The following PLEC variants were observed in gnomAD, a reference collection of about 807,000 sequenced individuals.
The protein encoded by PLEC is hemidesmosomal protein 1.
PLEC carries 216 observed loss-of-function variants against 392.8 expected under a neutral mutation model. That is an observed-to-expected ratio of 0.55 (90% confidence interval 0.49 to 0.62). The LOEUF is 0.62. PLEC is among the 20% of genes least tolerant of loss of function. The pLI, the probability that PLEC is intolerant of heterozygous loss-of-function variation, is 0.00. For missense variants in PLEC, 6,863 were observed against 6,563.4 expected (o/e 1.05, Z -1.58); for synonymous variants, 3,621 against 2,980.6 (o/e 1.21, Z -7.00).
At position 143,921,619 on chromosome 8, in the gene PLEC, C is replaced by G. The variant is rs782252692; in HGVS notation, c.8202G>C (p.Ala2734=). 3 of 1,612,764 alleles carry G rather than the reference C, an allele frequency of 1.9e-6. No homozygotes were observed. The highest frequency in any genetic ancestry group is 2.5e-6 in the Non-Finnish European group (3 of 1,179,808). ...CAGGGTCCAGCAGGAAGCCTGAGGCCGCCTGCGCCTCCAGCAGGATGAGGG... is the reference window on the plus strand; with the variant it reads ...CAGGGTCCAGCAGGAAGCCTGAGGCGGCCTGCGCCTCCAGCAGGATGAGGG... ...GTALILLEAQ[A]ASGFLLDPVR... Residue 2734 remains alanine, a synonymous_variant, in exon 32 of 32, where the codon GCG becomes GCC. Transcript: ENST00000345136.
chr8:143,917,561 G>A lies in PLEC; in HGVS notation c.12260C>T (p.Thr4087Ile). 6.2e-7 allele frequency: 1 copy of A among 1,613,956 alleles called. No homozygotes were observed. The highest frequency in any genetic ancestry group is 8.5e-7 in the Non-Finnish European group (1 of 1,180,026). Reference sequence around the variant, plus strand: ...CGTGTTAGGGTCAAAGAAGCCCTTGGTGTCGTCCGAGGGGTCGGTCAGGAT... The same window carrying A: ...CGTGTTAGGGTCAAAGAAGCCCTTGATGTCGTCCGAGGGGTCGGTCAGGAT... The part of the protein sequence containing the change: ...NEILTDPSDD[T>I]KGFFDPNTEE... Residue 4087 changes from threonine (T) to isoleucine (I), a missense_variant, in exon 32 of 32, where the codon ACC (threonine) becomes ATC (isoleucine). Coordinates refer to ENST00000345136, the MANE Select transcript of PLEC (RefSeq NM_201384.3).
chr8:143,952,566 C>T (rs1832298990), upstream of PLEC, among the ~76,000 whole-genome samples: 1 of 152,044 alleles, frequency 6.6e-6, no homozygotes, highest in East Asian at 1.9e-4. Flanking sequence ...CACCCCCCCA[C>T]ACTGACCTCC....
upstream of PLEC, chr8:143,942,659 G>A (rs1331062701): frequency 1.7e-5 from 18 of 1,084,612 alleles, no homozygotes; most frequent in Non-Finnish European, 2.1e-5. Context: ...TCCGCCCACT[G>A]CGGGAGCGAG....
Position 143,917,293 on chromosome 8 carries a change from G to A in PLEC, c.12528C>T (p.Cys4176=), listed in dbSNP as rs782543480. The A allele has an allele frequency of 3.2e-5, 52 of 1,608,952 alleles. 2 individuals carry two copies. In the South Asian group the frequency reaches 3.7e-4, roughly 12 times the overall value. Residue 4176 remains cysteine (C), a synonymous_variant, in exon 32 of 32, where the codon TGC becomes TGT. Coordinates refer to ENST00000345136, the MANE Select transcript of PLEC (RefSeq NM_201384.3). ...QTYLELSEQE[C]EWEEITISSS... is the part of the protein sequence containing the mutation. The stretch of plus-strand genomic sequence containing the variant: ...AGGAGATGGTGATCTCCTCCCACTC[G>A]CACTCCTGCTCGGACAGCTCCAGGT...
Position 143,916,317 on chromosome 8 carries a change from G to A in PLEC, c.13504C>T (p.Arg4502Cys), listed in dbSNP as rs781871638. The change falls in exon 32 of 32, where the codon CGC becomes TGC. Residue 4502 changes from arginine (R) to cysteine (C), a missense_variant. Coordinates refer to ENST00000345136, the MANE Select transcript of PLEC (RefSeq NM_201384.3). Reference protein sequence around the residue: ...GSRTGSRAGSRRGSFDATGSG... With the variant: ...GSRTGSRAGSCRGSFDATGSG... ...CCGGTGGCGTCAAAGCTGCCGCGGC[G>A]GGAGCCGGCCCGGGAGCCGGTGCGC... The A allele has an allele frequency of 1.1e-5, 18 of 1,590,168 alleles. No homozygotes were observed. The highest frequency in any genetic ancestry group is 1.4e-5 in the Non-Finnish European group (16 of 1,170,478).
chr8:143,953,929 C>T, upstream of PLEC: 1 of 1,408,236 alleles, frequency 7.1e-7, no homozygotes, highest in South Asian at 1.6e-5. Context: ...ATGCGCCGGA[C>T]AGGGCCGCCC....
At chr8:143,939,099 G>A (rs1258737627) in intron 1 of PLEC, among the ~76,000 whole-genome samples, 1 of 152,162 alleles carries the variant, frequency 6.6e-6, no homozygotes, top group Admixed American at 6.5e-5. Flanking sequence ...CTGCTGACAG[G>A]GCAGCGAACC....
At chr8:143,950,152 C>A in intron 1 of PLEC, 2 of 1,472,464 alleles carry the variant, frequency 1.4e-6, no homozygotes, top group Non-Finnish European at 9.0e-7. Flanking sequence ...TACTTGCCAC[C>A]CATCATGACT....
At chr8:143,942,282 G>A (rs1830627678), upstream of PLEC, 5 of 1,354,514 alleles carry the variant, frequency 3.7e-6, no homozygotes, top group Non-Finnish European at 5.1e-6. Flanking sequence ...ACCGGGCCAA[G>A]GCGCCACCCC....
Position 143,932,036 on chromosome 8 carries a change from C to A in PLEC, c.2083-4G>T, listed in dbSNP as rs555646129. 8 of 1,592,078 alleles carry A rather than the reference C, an allele frequency of 5.0e-6. No homozygotes were observed. Among genetic ancestry groups the A allele is most frequent in the Non-Finnish European group, 6.8e-6 (8 of 1,169,756 alleles). ...TCTGCAGGGCCGCCTGGAAGGACTGCGGGACAGCAGGTCCCGGTCAGGCCC... is the reference window on the plus strand; with the variant it reads ...TCTGCAGGGCCGCCTGGAAGGACTGAGGGACAGCAGGTCCCGGTCAGGCCC... On this transcript the variant is annotated splice_polypyrimidine_tract_variant and splice_region_variant and intron_variant, in intron 17 of 31. Transcript: ENST00000345136.
rs548123598 is a variant in PLEC at position 143,932,941 on chromosome 8, G to A, written c.1589C>T (p.Ala530Val). 2 of 1,612,690 alleles carry A rather than the reference G, an allele frequency of 1.2e-6. No individual in the cohort carries two copies. The highest frequency in any genetic ancestry group is 2.7e-5 in the African/African-American group (2 of 75,054). ...ACGGTGCTGGTTCTCCTCCACCCAG[G>A]CCAGCAGGTCCTGCAGGTAGCGCAG... is the stretch of plus-strand genomic sequence containing the variant. ...STLRYLQDLL[A>V]WVEENQHRVD... Residue 530 changes from alanine to valine, a missense_variant, in exon 14 of 32, where the codon GCC becomes GTC. Transcript: ENST00000345136.
chr8:143,922,647 C>T lies in PLEC; in HGVS notation c.7282G>A (p.Val2428Met). The T allele has an allele frequency of 6.2e-7, 1 of 1,613,604 alleles. No homozygotes were observed. The highest frequency in any genetic ancestry group is 8.5e-7 in the Non-Finnish European group (1 of 1,179,990). ...ATCTCCAGTGTCTGCACCAGGGTCA[C>T]CTTCTCCTGGGTGGCGAGCTCCGTG... ...HRTELATQEKVTLVQTLEIQR... is the reference protein window; with the variant it reads ...HRTELATQEKMTLVQTLEIQR... Residue 2428 changes from valine to methionine, a missense_variant, in exon 31 of 32, where the codon GTG (valine) becomes ATG (methionine). Transcript: ENST00000345136.
In PLEC at chr8:143,921,607, G is replaced by T; in HGVS notation, c.8214C>A (p.Phe2738Leu). The T allele has an allele frequency of 6.2e-7, 1 of 1,612,924 alleles. No individual in the cohort carries two copies. Among genetic ancestry groups the T allele is most frequent in the Non-Finnish European group, 8.5e-7 (1 of 1,179,858 alleles). Reference sequence around the variant, plus strand: ...GCCGGTTCCGCACAGGGTCCAGCAGGAAGCCTGAGGCCGCCTGCGCCTCCA... The same window carrying T: ...GCCGGTTCCGCACAGGGTCCAGCAGTAAGCCTGAGGCCGCCTGCGCCTCCA... Reference protein sequence around the residue: ...ILLEAQAASGFLLDPVRNRRL... With the variant: ...ILLEAQAASGLLLDPVRNRRL... The change falls in exon 32 of 32, where the codon TTC becomes TTA. Residue 2738 changes from phenylalanine to leucine, a missense_variant. Transcript: ENST00000345136.
rs782728553 is a variant in PLEC, at chr8:143,929,293, G to A, written c.3082-12C>T. ...TCTGCCTGTGCCTTCTGCAAAGACA[G>A]GGAGTGGGAACGCACTCATCACCGA... On this transcript the variant is annotated splice_polypyrimidine_tract_variant and intron_variant, in intron 24 of 31. Transcript: ENST00000345136. The A allele has an allele frequency of 1.3e-6, 2 of 1,598,446 alleles. No homozygotes were observed. The highest frequency in any genetic ancestry group is 1.7e-5 in the Admixed American group (1 of 59,864).
rs1254555160 is a variant in PLEC at position 143,923,880 on chromosome 8, T to C, written c.6049A>G (p.Lys2017Glu). ...CGCAGGCGCCGCGCCTCCTCCACCT[T>C]GGCTTTCAGCCGCTCGACTTCCTCC... is the stretch of plus-strand genomic sequence containing the variant. ...ALEEVERLKAKVEEARRLRER... is the reference protein window; with the variant it reads ...ALEEVERLKAEVEEARRLRER... The change falls in exon 31 of 32, where the codon AAG becomes GAG. Residue 2017 changes from lysine to glutamate, a missense_variant. Physicochemically the swap from Lys to Glu is moderately conservative, Grantham distance 56. Transcript: ENST00000345136. The C allele has an allele frequency of 3.1e-6, 5 of 1,594,262 alleles. No homozygotes were observed. The highest frequency in any genetic ancestry group is 1.3e-5 in the African/African-American group (1 of 74,704).
rs781855337 is a variant in PLEC, at chr8:143,921,682, G to A, written c.8139C>T (p.Tyr2713=). The change falls in exon 32 of 32, where the codon TAC becomes TAT. Residue 2713 remains tyrosine, a synonymous_variant. Coordinates refer to ENST00000345136, the MANE Select transcript of PLEC (RefSeq NM_201384.3). The stretch of plus-strand genomic sequence containing the variant: ...TCAGCAGCTGCCTCTGCAGGGCGGC[G>A]TAAACACTCAGCTTCTCATTGGTGG... The part of the protein sequence containing the change: ...LKATNEKLSV[Y]AALQRQLLSP... The A allele has an allele frequency of 1.5e-5, 25 of 1,613,054 alleles. No individual in the cohort carries two copies. The highest frequency in any genetic ancestry group is 1.6e-4 in the Middle Eastern group (1 of 6,084).
At chr8:143,959,633 C>T (rs782366287) in intron 1 of PLEC, among the ~76,000 whole-genome samples, 2 of 152,262 alleles carry the variant, frequency 1.3e-5, no homozygotes, top group Non-Finnish European at 2.9e-5. Flanking sequence ...TGGGAGGAGT[C>T]GGCCCACTTG....
rs1260621298 is a variant in PLEC, at chr8:143,917,140, G to C, written c.12681C>G (p.Leu4227=). The change falls in exon 32 of 32, where the codon CTC becomes CTG. Residue 4227 remains leucine (L), a synonymous_variant. Coordinates refer to ENST00000345136, the MANE Select transcript of PLEC (RefSeq NM_201384.3). ...SALDQYRAGT[L]SITEFADMLS... ...GCATGTCGGCGAACTCGGTGATGGA[G>C]AGCGTGCCGGCGCGGTACTGGTCCA... The C allele has an allele frequency of 4.4e-6, 7 of 1,604,834 alleles. No homozygotes were observed. In the Admixed American group the frequency reaches 1.0e-4, roughly 23 times the overall value.
chr8:143,932,092 C>G, intron 17 of PLEC, 38 bp downstream of exon 17: 3 of 1,556,142 alleles, frequency 1.9e-6, no homozygotes, highest in African/African-American at 1.4e-5. Flanking sequence ...CCCGGCACGG[C>G]CCCCCCCGCA....
Sources: allele counts gnomAD v4.1 joint callset (sites outside exome capture counted in the v4.1 genomes callset), GRCh38; gene constraint gnomAD v4.1.1; transcripts MANE v1.5; gene names NCBI Gene and HGNC (gene_info 2026-07-23, HGNC 2026-07-21).